Variants in CDC42BPB observed in about 807,000 individuals in gnomAD.
The protein encoded by CDC42BPB is serine/threonine-protein kinase MRCK beta.
Under a neutral mutation model 214.9 loss-of-function variants are expected in CDC42BPB, and 37 were observed. The ratio of observed to expected loss-of-function variants is 0.17; its 90% CI spans 0.13 to 0.23. The LOEUF (loss-of-function observed/expected upper bound fraction) is 0.23. Among genes scored for constraint, CDC42BPB ranks in the 10% least tolerant of loss-of-function variants. The pLI, the probability that CDC42BPB is intolerant of heterozygous loss-of-function variation, is 1.00. For missense variants in CDC42BPB, 1,694 were observed against 2,227.0 expected (o/e 0.76, Z 4.82); for synonymous variants, 931 against 884.0 (o/e 1.05, Z -0.94).
chr14:102,959,340 C>G (rs1201762980), intron 21 of CDC42BPB, among the ~76,000 whole-genome samples: 1 of 151,720 alleles, frequency 6.6e-6, no homozygotes, highest in Non-Finnish European at 1.5e-5. Context: ...GAGGCCAGTG[C>G]AGATTTCTCC....
intron 11 of CDC42BPB, among the ~76,000 whole-genome samples, chr14:102,974,871 A>G (rs1595483986): frequency 6.6e-6 from 1 of 152,202 alleles, no homozygotes; most frequent in African/African-American, 2.4e-5. Context: ...GCGTGAACCC[A>G]GGAGGCGGAG....
chr14:103,023,168 A>ATTT (rs35470028), intron 1 of CDC42BPB, among the ~76,000 whole-genome samples: 23 of 129,150 alleles, frequency 1.8e-4, no homozygotes, highest in African/African-American at 5.6e-4. Flanking sequence ...CATGTGGCTA[A>ATTT]TTTTTTTTTT....
At chr14:102,978,904 G>C (rs1893876382) in intron 8 of CDC42BPB, among the ~76,000 whole-genome samples, 1 of 152,274 alleles carries the variant, frequency 6.6e-6, no homozygotes, top group Admixed American at 6.5e-5. Flanking sequence ...CTACTCAAGA[G>C]GCCGAGGCAC....
intron 28 of CDC42BPB, 119 bp from the exon 29 acceptor site, chr14:102,945,843 A>G: frequency 1.2e-6 from 1 of 816,142 alleles, no homozygotes; most frequent in Non-Finnish European, 2.1e-6. Flanking sequence ...ATGAGAATAC[A>G]GCATTCCAGG....
rs1480912226 is a variant in CDC42BPB at position 102,932,786 on chromosome 14, C to G, written c.*926G>C. ...GCGCAGGGGATTGCTGTGCCGTGGG[C>G]CGGGGCCAGTGTGCAGGAGTGTGTT... On this transcript the variant is annotated 3_prime_UTR_variant, in exon 37 of 37. Transcript: ENST00000361246. 4 of 151,910 alleles carry G rather than the reference C, an allele frequency of 2.6e-5. No individual in the cohort carries two copies. The East Asian group carries it at 7.8e-4, about 30-fold the overall frequency. 9.4% of individuals were successfully genotyped at this position (151,910 alleles called of 1,614,324 possible). A position where few individuals can be genotyped will look rare whatever the true frequency, so the allele number is the denominator to read the frequency against.
At chr14:102,989,699 C>G (rs575001110) in intron 5 of CDC42BPB, among the ~76,000 whole-genome samples, 9 of 152,210 alleles carry the variant, frequency 5.9e-5, no homozygotes, top group Non-Finnish European at 8.8e-5. Flanking sequence ...ATGGAGTACC[C>G]TGTCTTTATT....
intron 21 of CDC42BPB, among the ~76,000 whole-genome samples, chr14:102,956,685 T>G (rs1892719541): frequency 6.6e-6 from 1 of 151,818 alleles, no homozygotes; most frequent in African/African-American, 2.4e-5. Context: ...AAAAATTAGC[T>G]GGGTGCGGTG....
chr14:103,025,889 G>C (rs891165219), intron 1 of CDC42BPB, among the ~76,000 whole-genome samples: 7 of 150,974 alleles, frequency 4.6e-5, no homozygotes, highest in Admixed American at 1.3e-4. Flanking sequence ...AAAAAAACCA[G>C]ACACAAAATA....
chr14:102,949,148 C>A (rs776378887), intron 26 of CDC42BPB, among the ~76,000 whole-genome samples: 1 of 152,214 alleles, frequency 6.6e-6, no homozygotes, highest in Non-Finnish European at 1.5e-5. Flanking sequence ...CTGAGCTAGG[C>A]CTCTTAGTGA....
At chr14:102,952,719 G>A in intron 23 of CDC42BPB, 116 bp from the exon 24 acceptor site, 4 of 1,483,442 alleles carry the variant, frequency 2.7e-6, no homozygotes, top group South Asian at 1.3e-5. Context: ...AGGTGGAAAT[G>A]TGCAAGTTCT....
intron 4 of CDC42BPB, 31 bp from the exon 5 acceptor site, chr14:102,999,744 AC>A: frequency 1.9e-6 from 3 of 1,613,680 alleles, no homozygotes; most frequent in Admixed American, 3.3e-5. Flanking sequence ...GGGAGAGAAT[AC>A]CACATTTAGT....
chr14:102,997,919 C>T (rs1252839444), intron 5 of CDC42BPB, among the ~76,000 whole-genome samples: 2 of 152,112 alleles, frequency 1.3e-5, no homozygotes, highest in African/African-American at 2.4e-5. Context: ...CCGAGATGGG[C>T]GGATCACTTG....
intron 35 of CDC42BPB, 63 bp from the exon 36 acceptor site, chr14:102,938,237 G>A: frequency 6.2e-7 from 1 of 1,602,928 alleles, no homozygotes; most frequent in South Asian, 1.1e-5. Context: ...AATGCCTGGG[G>A]TCTCCCCATT....
intron 5 of CDC42BPB, among the ~76,000 whole-genome samples, chr14:102,988,031 T>G (rs964190471): frequency 1.3e-5 from 2 of 151,690 alleles, no homozygotes; most frequent in African/African-American, 4.8e-5. Flanking sequence ...GACAAAAGCA[T>G]GCAGAAAAGA....
At chr14:102,942,350 G>A (rs1301082785) in intron 30 of CDC42BPB, among the ~76,000 whole-genome samples, 4 of 152,230 alleles carry the variant, frequency 2.6e-5, no homozygotes, top group Non-Finnish European at 5.9e-5. Flanking sequence ...CCCTGGGTAT[G>A]ATGCCGTCTC....
chr14:103,045,051 T>C (rs1290086036), intron 1 of CDC42BPB, among the ~76,000 whole-genome samples: 2 of 150,912 alleles, frequency 1.3e-5, no homozygotes, highest in African/African-American at 4.9e-5. Flanking sequence ...AATAAATAAA[T>C]AAATAAATAA....
At position 102,939,923 on chromosome 14, in the gene CDC42BPB, G is replaced by A. The variant is rs765442114; in HGVS notation, c.4616C>T (p.Thr1539Ile). 2 of 1,613,970 alleles carry A rather than the reference G, an allele frequency of 1.2e-6. No homozygotes were observed. The highest frequency in any genetic ancestry group is 2.7e-5 in the African/African-American group (2 of 75,068). ...FSGAVLNVPD[T>I]SDNSKKQMLR... is the part of the protein sequence containing the mutation. ...CATCTGCTTCTTGCTGTTGTCGGAG[G>A]TGTCCGGCACGTTGAGAACCGCTCC... Residue 1539 changes from threonine to isoleucine, a missense_variant, in exon 33 of 37, where the codon ACC becomes ATC. Transcript: ENST00000361246.
rs756619769 is a variant in CDC42BPB, at chr14:102,954,713, T to C, written c.2902-25A>G. On this transcript the variant is annotated intron_variant, in intron 21 of 36. Coordinates refer to ENST00000361246, the MANE Select transcript of CDC42BPB (RefSeq NM_006035.4). ...TCTGTGAGAACCAAGAAAGAAAGAG[T>C]GGGGTGAAAGGACATATTCTACATG... 1.9e-6 allele frequency: 3 copies of C among 1,605,402 alleles called. No individual in the cohort carries two copies. In the South Asian group the frequency reaches 3.3e-5, roughly 18 times the overall value.
intron 1 of CDC42BPB, among the ~76,000 whole-genome samples, chr14:103,052,948 T>C (rs973575230): frequency 6.6e-6 from 1 of 152,256 alleles, no homozygotes; most frequent in Non-Finnish European, 1.5e-5. Flanking sequence ...AACAAATTCA[T>C]CTCACTGGGT....
Sources: gnomAD v4.1 joint callset for allele counts (sites outside exome capture counted in the v4.1 genomes callset) on GRCh38, gnomAD v4.1.1 for gene constraint, MANE v1.5 for transcripts, NCBI Gene and HGNC (gene_info 2026-07-23, HGNC 2026-07-21) for gene names.